The following PYGB variants were observed in gnomAD, a reference collection of about 807,000 sequenced individuals.
PYGB encodes the protein glycogen phosphorylase B.
Under a neutral mutation model 94.3 loss-of-function variants are expected in PYGB, and 82 were observed. The ratio of observed to expected loss-of-function variants is 0.87; its 90% CI spans 0.73 to 1.04. PYGB has a LOEUF of 1.04. Ranked by LOEUF, PYGB falls within the 50% of genes least tolerant of loss-of-function variation. The pLI, the probability that PYGB is intolerant of heterozygous loss-of-function variation, is 0.00. For missense variants in PYGB, 1,132 were observed against 1,158.2 expected (o/e 0.98, Z 0.33); for synonymous variants, 488 against 479.1 (o/e 1.02, Z -0.24).
Position 25,248,174 on chromosome 20 carries a change from G to A in PYGB, c.-5G>A, listed in dbSNP as rs2092876022. ...CATCTCTTTTCCTCCGCCTCCGCCG[G>A]CGCGATGGCGAAGCCGCTGACGGAC... On this transcript the variant is annotated 5_prime_UTR_variant, in exon 1 of 20. Coordinates refer to ENST00000216962, the MANE Select transcript of PYGB (RefSeq NM_002862.4). 6.3e-7 allele frequency: 1 copy of A among 1,588,982 alleles called. No individual in the cohort carries two copies. Among genetic ancestry groups the A allele is most frequent in the South Asian group, 1.1e-5 (1 of 88,300 alleles).
At chr20:25,279,352 G>A (rs557081985) in intron 9 of PYGB, among the ~76,000 whole-genome samples, 2 of 152,094 alleles carry the variant, frequency 1.3e-5, no homozygotes, top group East Asian at 3.9e-4. Flanking sequence ...GTCAGGGCGC[G>A]GGGGAGATGA....
chr20:25,248,136 C>G lies in PYGB; in HGVS notation c.-43C>G. 2.0e-6 allele frequency: 3 copies of G among 1,537,732 alleles called. No homozygotes were observed. The highest frequency in any genetic ancestry group is 1.2e-5 in the South Asian group (1 of 80,852). ...CCATCCCGGCGTTCGCGTGTGCCGC[C>G]GCTTTCCTCCTCCATCTCTTTTCCT... On this transcript the variant is annotated 5_prime_UTR_variant, in exon 1 of 20. Transcript: ENST00000216962.
At chr20:25,258,141 G>A (rs1164217217) in intron 1 of PYGB, among the ~76,000 whole-genome samples, 1 of 152,202 alleles carries the variant, frequency 6.6e-6, no homozygotes, top group African/African-American at 2.4e-5. Context: ...TATCATTTGT[G>A]TGTGTGTGTT....
intron 4 of PYGB, among the ~76,000 whole-genome samples, chr20:25,272,978 G>A (rs1041119598): frequency 6.6e-6 from 1 of 152,228 alleles, no homozygotes; most frequent in African/African-American, 2.4e-5. Flanking sequence ...TGTAACTCTT[G>A]CAACTTTGTG....
chr20:25,254,699 T>G (rs1003677185), intron 1 of PYGB, among the ~76,000 whole-genome samples: 1 of 152,264 alleles, frequency 6.6e-6, no homozygotes, highest in Non-Finnish European at 1.5e-5. Context: ...AAATATAGTT[T>G]GACACGGTCC....
At chr20:25,288,699 C>T in intron 15 of PYGB, 2 of 593,242 alleles carry the variant, frequency 3.4e-6, no homozygotes, top group Non-Finnish European at 2.9e-6. Context: ...GGAGGGGTCC[C>T]CAGCCTAGAG....
intron 14 of PYGB, among the ~76,000 whole-genome samples, 158 bp downstream of exon 14, chr20:25,284,409 A>C (rs2088399448): frequency 6.6e-6 from 1 of 152,170 alleles, no homozygotes; most frequent in Non-Finnish European, 1.5e-5. Flanking sequence ...AGCAAAAGCC[A>C]TGTTTTTCTG....
chr20:25,254,347 T>TTTATTA (rs200398540), intron 1 of PYGB, among the ~76,000 whole-genome samples: 1 of 152,052 alleles, frequency 6.6e-6, no homozygotes, highest in Non-Finnish European at 1.5e-5. Flanking sequence ...GATTATATCT[T>TTTATTA]TTATTATTAT....
intron 2 of PYGB, among the ~76,000 whole-genome samples, chr20:25,265,788 G>T (rs2088212754): frequency 6.6e-6 from 1 of 151,872 alleles, no homozygotes; most frequent in Non-Finnish European, 1.5e-5. Context: ...GTAGAGACAG[G>T]GTTTCACCAT....
intron 1 of PYGB, among the ~76,000 whole-genome samples, chr20:25,258,193 G>T (rs187274910): frequency 2.6e-5 from 4 of 152,210 alleles, no homozygotes; most frequent in African/African-American, 9.6e-5. Flanking sequence ...GTATTCTTAA[G>T]TTATGTATTA....
intron 1 of PYGB, among the ~76,000 whole-genome samples, chr20:25,253,708 T>C (rs2092894927): frequency 6.6e-6 from 1 of 152,124 alleles, no homozygotes; most frequent in South Asian, 2.1e-4. Context: ...TTTTAAACTT[T>C]ATGTGATTTC....
intron 2 of PYGB, among the ~76,000 whole-genome samples, chr20:25,266,014 G>T (rs554558043): frequency 5.3e-5 from 8 of 152,142 alleles, no homozygotes; most frequent in Non-Finnish European, 7.3e-5. Context: ...TGTGTTGATA[G>T]TATATATTAC....
At chr20:25,290,373 T>G (rs1600741674) in intron 15 of PYGB, 108 bp from the exon 16 acceptor site, 54 of 1,411,334 alleles carry the variant, frequency 3.8e-5, no homozygotes, top group East Asian at 9.3e-5. Flanking sequence ...CGACGGCAGG[T>G]TCCTGTGGCT....
In PYGB at chr20:25,248,097, C is replaced by G. The variant is rs2092875497; in HGVS notation, c.-82C>G. On this transcript the variant is annotated 5_prime_UTR_variant, in exon 1 of 20. Coordinates refer to ENST00000216962, the MANE Select transcript of PYGB (RefSeq NM_002862.4). ...AGTGCCGGGCGCCAGAGCAGCGGCG[C>G]CAGAGCAGCTGCACCATCCCGGCGT... The G allele has an allele frequency of 4.3e-6, 6 of 1,403,308 alleles. No individual in the cohort carries two copies. The highest frequency in any genetic ancestry group is 4.7e-6 in the Non-Finnish European group (5 of 1,074,880). 86.9% of individuals were successfully genotyped at this position (1,403,308 alleles called of 1,614,324 possible).
chr20:25,262,258 C>T (rs1483859784), intron 2 of PYGB, among the ~76,000 whole-genome samples: 3 of 152,176 alleles, frequency 2.0e-5, no homozygotes, highest in Admixed American at 6.5e-5. Context: ...AAAGGGAAGC[C>T]CATCAGATTA....
In PYGB at chr20:25,248,426, G is replaced by C; in HGVS notation, c.243+5G>C. 4.0e-6 allele frequency: 6 copies of C among 1,497,808 alleles called. No homozygotes were observed. The highest frequency in any genetic ancestry group is 5.4e-6 in the Non-Finnish European group (6 of 1,118,570). 92.8% of individuals were successfully genotyped at this position (1,497,808 alleles called of 1,614,324 possible). Reference sequence around the variant, plus strand: ...TACTACGAGCGCGACCCCAAGGTGAGGCGCTGCCCCGCCCTGTGCGCCCGT... The same window carrying C: ...TACTACGAGCGCGACCCCAAGGTGACGCGCTGCCCCGCCCTGTGCGCCCGT... On this transcript the variant is annotated splice_donor_5th_base_variant and intron_variant, in intron 1 of 19. Coordinates refer to ENST00000216962, the MANE Select transcript of PYGB (RefSeq NM_002862.4).
intron 1 of PYGB, among the ~76,000 whole-genome samples, chr20:25,253,614 A>C (rs546099198): frequency 1.2e-3 from 181 of 148,242 alleles, no homozygotes; most frequent in Admixed American, 3.8e-3. Context: ...CAGCCTGGGC[A>C]ACTCTGCCTA....
chr20:25,260,870 C>T (rs2092911905), intron 2 of PYGB, among the ~76,000 whole-genome samples: 1 of 152,256 alleles, frequency 6.6e-6, no homozygotes, highest in Non-Finnish European at 1.5e-5. Context: ...CCCACGGAGC[C>T]TCACTCATTG....
At position 25,280,510 on chromosome 20, in the gene PYGB, G is replaced by A. The variant is rs1053201173; in HGVS notation, c.1239+98G>A. The stretch of plus-strand genomic sequence containing the variant: ...AGAGGAGGTGCTTTGCTCCTTGAAC[G>A]AGGCACCCTCTGTTCAGCAGAGGAT... On this transcript the variant is annotated intron_variant, in intron 10 of 19. Coordinates refer to ENST00000216962, the MANE Select transcript of PYGB (RefSeq NM_002862.4). 1.7e-5 allele frequency: 25 copies of A among 1,459,654 alleles called. No homozygotes were observed. The Middle Eastern group carries it at 1.6e-3, about 93-fold the overall frequency. The allele number at this position is 1,459,654 out of a possible 1,614,324, so 90.4% of individuals were successfully genotyped here. A position where few individuals can be genotyped will look rare whatever the true frequency, so the allele number is the denominator to read the frequency against.
Sources: allele counts gnomAD v4.1 joint callset (sites outside exome capture counted in the v4.1 genomes callset), GRCh38; gene constraint gnomAD v4.1.1; transcripts MANE v1.5; gene names NCBI Gene and HGNC (gene_info 2026-07-23, HGNC 2026-07-21).